The following USH2A variants were observed in gnomAD, a reference collection of about 807,000 sequenced individuals.
USH2A encodes usherin, also known as Usher syndrome 2A (autosomal recessive, mild).
USH2A carries 443 observed loss-of-function variants against 538.9 expected under a neutral mutation model. That is an observed-to-expected ratio of 0.82 (90% CI 0.76 to 0.89). The LOEUF is 0.89. USH2A is among the 40% of genes least tolerant of loss of function. The probability of loss-of-function intolerance (pLI) is 0.00; values close to 1 mark genes in which losing one functional copy is unlikely to be tolerated. For synonymous variants in USH2A, 2,413 were observed against 2,273.5 expected (o/e 1.06, Z -1.75); for missense variants, 6,633 against 6,324.8 (o/e 1.05, Z -1.65).
chr1:215,722,597 T>G (rs1659693481), intron 61 of USH2A, among the ~76,000 whole-genome samples: 1 of 152,176 alleles, frequency 6.6e-6, no homozygotes, highest in South Asian at 2.1e-4. Flanking sequence ...TTTGACTACC[T>G]CCTCCTTGAC....
chr1:216,025,927 T>C (rs929522346), intron 32 of USH2A, among the ~76,000 whole-genome samples: 2 of 152,086 alleles, frequency 1.3e-5, no homozygotes, highest in Admixed American at 6.6e-5. Flanking sequence ...AAATTTCATA[T>C]GTGCTAGTAT....
chr1:216,367,711 T>C (rs1032830482), intron 3 of USH2A, among the ~76,000 whole-genome samples: 2 of 152,156 alleles, frequency 1.3e-5, no homozygotes, highest in African/African-American at 4.8e-5. Flanking sequence ...TAAGATTAAA[T>C]CTTCCTTGGT....
intron 67 of USH2A, among the ~76,000 whole-genome samples, chr1:215,644,086 T>C (rs537150279): frequency 6.6e-6 from 1 of 152,296 alleles, no homozygotes; most frequent in South Asian, 2.1e-4. Context: ...GCTTTGAATA[T>C]AGTATGGGTG....
At chr1:216,273,076 C>T (rs1170796513) in intron 11 of USH2A, among the ~76,000 whole-genome samples, 8 of 151,920 alleles carry the variant, frequency 5.3e-5, no homozygotes, top group South Asian at 2.1e-4. Context: ...CAGAAGCCTC[C>T]CAAAAAAAGC....
chr1:216,026,259 T>C (rs1668962432), intron 32 of USH2A, among the ~76,000 whole-genome samples: 1 of 152,150 alleles, frequency 6.6e-6, no homozygotes, highest in African/African-American at 2.4e-5. Context: ...AACCTTGTGG[T>C]TGTAATTACA....
Position 216,115,102 on chromosome 1 carries a change from T to C in USH2A, c.4628-17889A>G, listed in dbSNP as rs1475835657. Among the ~76,000 whole-genome samples, 5 of 132,472 alleles carry C rather than the reference T, an allele frequency of 3.8e-5. No individual in the cohort carries two copies. The East Asian group carries it at 6.7e-4, about 18-fold the overall frequency. 86.9% of individuals were successfully genotyped at this position (132,472 alleles called of 152,430 possible). On this transcript the variant is annotated intron_variant, in intron 21 of 71. Transcript: ENST00000307340. ...CCCAAATTGCCCTTACATACCAAGATATTTATTTATTTTTGTTTTGTTTTG... is the reference window on the plus strand; with the variant it reads ...CCCAAATTGCCCTTACATACCAAGACATTTATTTATTTTTGTTTTGTTTTG...
intron 3 of USH2A, among the ~76,000 whole-genome samples, chr1:216,379,536 T>C (rs1009083766): frequency 6.6e-6 from 1 of 152,302 alleles, no homozygotes; most frequent in Middle Eastern, 3.4e-3. Context: ...ATGATGCACT[T>C]GAGATCTCAA....
At chr1:216,166,151 G>A (rs527864792) in intron 21 of USH2A, among the ~76,000 whole-genome samples, 8 of 152,216 alleles carry the variant, frequency 5.3e-5, no homozygotes, top group African/African-American at 1.9e-4. Context: ...GGAGGCTGGG[G>A]TTGCTGGAAG....
At chr1:216,070,052 A>T in intron 30 of USH2A, 49 bp downstream of exon 30, 1 of 1,600,496 alleles carries the variant, frequency 6.2e-7, no homozygotes, top group Non-Finnish European at 8.6e-7. Context: ...TTAAAATGCA[A>T]ACAAAAAGGA....
chr1:216,391,494 A>T (rs920140480), intron 3 of USH2A, among the ~76,000 whole-genome samples: 13 of 152,320 alleles, frequency 8.5e-5, no homozygotes, highest in African/African-American at 2.9e-4. Context: ...TTGACAGGTA[A>T]AGTCCTCCTG....
At chr1:215,803,392 T>A (rs1325622011) in intron 49 of USH2A, among the ~76,000 whole-genome samples, 2 of 152,178 alleles carry the variant, frequency 1.3e-5, no homozygotes, top group Non-Finnish European at 2.9e-5. Context: ...CCCCATCATC[T>A]CAGCCCAAAA....
chr1:216,397,081 G>GGTAGTT (rs2039224980), intron 3 of USH2A, among the ~76,000 whole-genome samples: 1 of 152,118 alleles, frequency 6.6e-6, no homozygotes, highest in African/African-American at 2.4e-5. Flanking sequence ...CACCAGGAGT[G>GGTAGTT]GTAGTTGCAA....
chr1:216,130,456 A>G (rs2033350120), intron 21 of USH2A, among the ~76,000 whole-genome samples: 2 of 150,472 alleles, frequency 1.3e-5, no homozygotes, highest in South Asian at 2.1e-4. Context: ...AATAATCTCC[A>G]ATCTCATCCA....
intron 11 of USH2A, among the ~76,000 whole-genome samples, chr1:216,268,871 C>T (rs2036524627): frequency 6.6e-6 from 1 of 152,054 alleles, no homozygotes; most frequent in African/African-American, 2.4e-5. Flanking sequence ...AACTGCAATT[C>T]CTTTCCTTAA....
At chr1:216,256,626 C>T (rs1236255487) in intron 11 of USH2A, among the ~76,000 whole-genome samples, 2 of 151,978 alleles carry the variant, frequency 1.3e-5, no homozygotes, top group South Asian at 2.1e-4. Context: ...CCTCTTATTC[C>T]TCCTCCTCAT....
At chr1:216,208,058 T>A (rs1348494426) in intron 15 of USH2A, among the ~76,000 whole-genome samples, 2 of 152,194 alleles carry the variant, frequency 1.3e-5, no homozygotes, top group Non-Finnish European at 2.9e-5. Context: ...ACATAAGAAA[T>A]AAGAACATTC....
intron 35 of USH2A, among the ~76,000 whole-genome samples, chr1:215,978,703 C>T (rs920580246): frequency 6.6e-6 from 1 of 152,016 alleles, no homozygotes. Context: ...GGTACAGGAC[C>T]CTCTAGCAGG....
At chr1:216,101,175 A>G (rs1366124931) in intron 21 of USH2A, among the ~76,000 whole-genome samples, 1 of 152,256 alleles carries the variant, frequency 6.6e-6, no homozygotes, top group East Asian at 1.9e-4. Flanking sequence ...TGCCATAGAT[A>G]TAGATAAATT....
chr1:216,136,944 G>A (rs767918247), intron 21 of USH2A, among the ~76,000 whole-genome samples: 5 of 152,146 alleles, frequency 3.3e-5, no homozygotes, highest in East Asian at 1.9e-4. Flanking sequence ...AGAATTGTGA[G>A]ACAATAAACT....
Sources: gnomAD v4.1 joint callset for allele counts (sites outside exome capture counted in the v4.1 genomes callset) on GRCh38, gnomAD v4.1.1 for gene constraint, MANE v1.5 for transcripts, NCBI Gene and HGNC (gene_info 2026-07-23, HGNC 2026-07-21) for gene names.